XRCC4: variants seen among roughly 807,000 people sequenced by gnomAD.
XRCC4 encodes the protein X-ray repair cross complementing 4.
XRCC4 carries 28 observed loss-of-function variants against 39.1 expected under a neutral mutation model. That is an observed-to-expected ratio of 0.72 (90% CI 0.53 to 0.98). The LOEUF (loss-of-function observed/expected upper bound fraction) is 0.98. Ranked by LOEUF, XRCC4 falls within the 50% of genes least tolerant of loss-of-function variation. The pLI is 0.00. For missense variants in XRCC4, 350 were observed against 376.4 expected (o/e 0.93, Z 0.58); for synonymous variants, 123 against 126.4 (o/e 0.97, Z 0.18).
At chr5:83,126,599 T>A (rs1747278893) in intron 3 of XRCC4, among the ~76,000 whole-genome samples, 1 of 152,030 alleles carries the variant, frequency 6.6e-6, no homozygotes, top group African/African-American at 2.4e-5. Flanking sequence ...AACTGTGGGG[T>A]ATAAGCTGCT....
chr5:83,136,923 G>T (rs573632937), intron 3 of XRCC4, among the ~76,000 whole-genome samples: 1 of 152,280 alleles, frequency 6.6e-6, no homozygotes, highest in Non-Finnish European at 1.5e-5. Context: ...TTTGAAGGTT[G>T]CTAAGAGGAT....
chr5:83,153,664 A>G (rs1031863100), intron 3 of XRCC4, among the ~76,000 whole-genome samples: 3 of 152,182 alleles, frequency 2.0e-5, no homozygotes, highest in Non-Finnish European at 4.4e-5. Flanking sequence ...CCAAAAAACA[A>G]TCACACATGC....
At chr5:83,334,576 C>T (rs879421688) in intron 7 of XRCC4, among the ~76,000 whole-genome samples, 2 of 151,664 alleles carry the variant, frequency 1.3e-5, no homozygotes, top group Non-Finnish European at 2.9e-5. Context: ...AAGATATTCA[C>T]CAACAAATTA....
At chr5:83,304,947 T>C (rs1755426115) in intron 7 of XRCC4, among the ~76,000 whole-genome samples, 1 of 152,152 alleles carries the variant, frequency 6.6e-6, no homozygotes, top group Admixed American at 6.5e-5. Flanking sequence ...CATTTTATAG[T>C]TATTGGGAAG....
Position 83,353,123 on chromosome 5 carries a change from A to G in XRCC4, c.894-8A>G, listed in dbSNP as rs1382349096. The G allele has an allele frequency of 2.6e-6, 4 of 1,563,306 alleles. No individual in the cohort carries two copies. The South Asian group carries it at 4.9e-5, about 19-fold the overall frequency. On this transcript the variant is annotated splice_polypyrimidine_tract_variant and splice_region_variant and intron_variant, in intron 7 of 7. Coordinates refer to ENST00000396027, the MANE Select transcript of XRCC4 (RefSeq NM_003401.5). ...ATAAAACTATTTTGATTTTCTTTTC[A>G]GTTCTAGGCCTGATTCTTCACTACC...
chr5:83,202,212 AAAAT>A (rs1260726681), intron 4 of XRCC4: 2 of 152,216 alleles, frequency 1.3e-5, no homozygotes, highest in African/African-American at 2.4e-5. Context: ...AACCACTGGG[AAAAT>A]AAATAAACCA....
intron 3 of XRCC4, among the ~76,000 whole-genome samples, chr5:83,134,489 C>T (rs551857247): frequency 2.6e-5 from 4 of 152,142 alleles, no homozygotes; most frequent in Non-Finnish European, 4.4e-5. Context: ...GGTTTGTACA[C>T]GCATCAATCA....
At chr5:83,263,420 A>G (rs1391688194) in intron 7 of XRCC4, among the ~76,000 whole-genome samples, 1 of 151,414 alleles carries the variant, frequency 6.6e-6, no homozygotes, top group African/African-American at 2.4e-5. Flanking sequence ...GAATCTCCAC[A>G]CTGACTTCCA....
chr5:83,102,087 CTG>C (rs896182669), intron 1 of XRCC4, among the ~76,000 whole-genome samples: 105 of 152,156 alleles, frequency 6.9e-4, no homozygotes, highest in African/African-American at 2.5e-3. Flanking sequence ...ATAATTAAAA[CTG>C]AATGTGATAT....
chr5:83,254,917 T>A (rs1390915909), intron 6 of XRCC4, among the ~76,000 whole-genome samples: 1 of 151,808 alleles, frequency 6.6e-6, no homozygotes, highest in Non-Finnish European at 1.5e-5. Context: ...TGAAACCGTG[T>A]CTCTACTAAA....
intron 7 of XRCC4, among the ~76,000 whole-genome samples, chr5:83,329,347 C>A (rs747814437): frequency 3.4e-4 from 52 of 151,906 alleles, no homozygotes; most frequent in Non-Finnish European, 6.6e-4. Flanking sequence ...AAAATGACAA[C>A]CCATGCAGTG....
Position 83,353,383 on chromosome 5 carries a change from G to A in XRCC4, c.*141G>A. 1 of 626,838 alleles carries A rather than the reference G, an allele frequency of 1.6e-6. No homozygotes were observed. The highest frequency in any genetic ancestry group is 2.7e-6 in the Non-Finnish European group (1 of 368,556). 38.8% of individuals were successfully genotyped at this position (626,838 alleles called of 1,614,324 possible). Reference sequence around the variant, plus strand: ...ACATACACAGTGAATTGAAACCATTGTGCAAAATGGATTACACATGTATAC... The same window carrying A: ...ACATACACAGTGAATTGAAACCATTATGCAAAATGGATTACACATGTATAC... On this transcript the variant is annotated 3_prime_UTR_variant, in exon 8 of 8. Coordinates refer to ENST00000396027, the MANE Select transcript of XRCC4 (RefSeq NM_003401.5).
intron 6 of XRCC4, among the ~76,000 whole-genome samples, chr5:83,217,220 G>T (rs1283296629): frequency 6.6e-6 from 1 of 151,978 alleles, no homozygotes; most frequent in African/African-American, 2.4e-5. Context: ...AGCCAGGCAT[G>T]GTGGCGTATG....
intron 1 of XRCC4, among the ~76,000 whole-genome samples, chr5:83,079,779 C>A (rs1744851684): frequency 6.6e-6 from 1 of 152,110 alleles, no homozygotes; most frequent in Admixed American, 6.5e-5. Flanking sequence ...AGTGATCCTC[C>A]CGCCTCGGCC....
At position 83,266,354 on chromosome 5, in the gene XRCC4, C is replaced by G. The variant is rs376978031; in HGVS notation, c.893+7677C>G. 2.6e-4 allele frequency among the ~76,000 whole-genome samples: 38 copies of G among 148,096 alleles called. No homozygotes were observed. In the South Asian group the frequency reaches 6.9e-3, roughly 27 times the overall value. On this transcript the variant is annotated intron_variant, in intron 7 of 7. Coordinates refer to ENST00000396027, the MANE Select transcript of XRCC4 (RefSeq NM_003401.5). ...CTCAATGTAAAGTAAGTATTTGGTC[C>G]GTAGTAAAAATTATGAAATAAAATA...
chr5:83,269,772 T>C (rs1754074299), intron 7 of XRCC4, among the ~76,000 whole-genome samples: 2 of 152,100 alleles, frequency 1.3e-5, no homozygotes, highest in African/African-American at 4.8e-5. Context: ...CTTCCCCTTT[T>C]TGGAAAATGG....
At chr5:83,374,454 C>T in the XRCC4 span, among the ~76,000 whole-genome samples, 2 of 152,152 alleles carry the variant, frequency 1.3e-5, no homozygotes, top group Non-Finnish European at 2.9e-5. Context: ...TCAATTAAAC[C>T]TCTTTTTCTT....
At chr5:83,111,579 A>G (rs1746447631) in intron 3 of XRCC4, among the ~76,000 whole-genome samples, 1 of 152,068 alleles carries the variant, frequency 6.6e-6, no homozygotes, top group Non-Finnish European at 1.5e-5. Flanking sequence ...ATCAAAATAT[A>G]TCTTTGAATA....
chr5:83,263,563 T>A (rs1237278336), intron 7 of XRCC4, among the ~76,000 whole-genome samples: 3 of 151,264 alleles, frequency 2.0e-5, no homozygotes, highest in East Asian at 1.9e-4. Flanking sequence ...GGTATCTCAT[T>A]GTGGTTTTGA....
Sources: allele counts gnomAD v4.1 joint callset (sites outside exome capture counted in the v4.1 genomes callset), GRCh38; gene constraint gnomAD v4.1.1; transcripts MANE v1.5; gene names NCBI Gene and HGNC (gene_info 2026-07-23, HGNC 2026-07-21).